The following OR2C1 variants were observed in gnomAD, a reference collection of about 807,000 sequenced individuals.
OR2C1 encodes the protein olfactory receptor family 2 subfamily C member 1, also known as olfactory receptor 2C1.
For synonymous variants in OR2C1, 209 were observed against 167.3 expected (o/e 1.25, Z -1.92); for missense variants, 468 against 388.3 (o/e 1.21, Z -1.73).
upstream of OR2C1, among the ~76,000 whole-genome samples, chr16:3,354,311 G>T (rs1285378789): frequency 1.3e-5 from 2 of 152,144 alleles, no homozygotes; most frequent in African/African-American, 2.4e-5. Context: ...ATTATTTGAT[G>T]ATTTAGACGT....
In OR2C1 at chr16:3,356,903, T is replaced by C. The variant is rs1158182283; in HGVS notation, c.*24T>C. On this transcript the variant is annotated 3_prime_UTR_variant, in exon 1 of 1. Transcript: ENST00000304936. Reference sequence around the variant, plus strand: ...GAGAGAACACTCCTTCGTTATTTATTGCGTCTTCATCTCTACATGCGTTTC... The same window carrying C: ...GAGAGAACACTCCTTCGTTATTTATCGCGTCTTCATCTCTACATGCGTTTC... 1.3e-6 allele frequency: 2 copies of C among 1,504,772 alleles called. No individual in the cohort carries two copies. Among genetic ancestry groups the C allele is most frequent in the African/African-American group, 1.4e-5 (1 of 72,310 alleles). 93.2% of individuals were successfully genotyped at this position (1,504,772 alleles called of 1,614,324 possible). A position where few individuals can be genotyped will look rare whatever the true frequency, so the allele number is the denominator to read the frequency against.
chr16:3,348,025 G>A, the OR2C1 span, among the ~76,000 whole-genome samples: 7 of 152,152 alleles, frequency 4.6e-5, no homozygotes, highest in South Asian at 1.0e-3. Context: ...CCCTAACAAC[G>A]TAGATGTCTA....
At chr16:3,341,027 T>C in the OR2C1 span, among the ~76,000 whole-genome samples, 2 of 152,040 alleles carry the variant, frequency 1.3e-5, no homozygotes, top group Non-Finnish European at 2.9e-5. Context: ...TGCATTGAAC[T>C]TGTAGATCAC....
In OR2C1 at chr16:3,356,730, A is replaced by G. The variant is rs1211366115; in HGVS notation, c.790A>G (p.Lys264Glu). 5 of 1,614,008 alleles carry G rather than the reference A, an allele frequency of 3.1e-6. No individual in the cohort carries two copies. In the South Asian group the frequency reaches 4.4e-5, roughly 14 times the overall value. ...SASYGYLLPA[K>E]NSKQDQGKFI... ...CAGCTATGGGTATCTGCTTCCGGCC[A>G]AGAACAGCAAACAGGACCAGGGCAA... Residue 264 changes from lysine to glutamate, a missense_variant, in exon 1 of 1, where the codon AAG becomes GAG. Coordinates refer to ENST00000304936, the MANE Select transcript of OR2C1 (RefSeq NM_012368.3).
chr16:3,346,818 G>C, the OR2C1 span, among the ~76,000 whole-genome samples: 2 of 151,226 alleles, frequency 1.3e-5, no homozygotes. Context: ...TTTAAGTAGA[G>C]ACAAGGTTTC....
chr16:3,330,073 A>G, the OR2C1 span, among the ~76,000 whole-genome samples: 2 of 150,976 alleles, frequency 1.3e-5, no homozygotes, highest in Admixed American at 6.6e-5. Context: ...ACAACATCAA[A>G]GAAAAAGTGT....
upstream of OR2C1, among the ~76,000 whole-genome samples, chr16:3,354,010 G>A (rs139505532): frequency 1.9e-4 from 27 of 144,912 alleles, no homozygotes; most frequent in East Asian, 1.6e-3. Flanking sequence ...TTGAGACAGA[G>A]TCTAGCTCTG....
the OR2C1 span, among the ~76,000 whole-genome samples, chr16:3,327,229 C>T: frequency 6.8e-4 from 103 of 152,164 alleles, no homozygotes; most frequent in East Asian, 5.8e-4. Context: ...TTTCATTTAT[C>T]CCCTCCAGTT....
At chr16:3,335,353 G>T in the OR2C1 span, among the ~76,000 whole-genome samples, 3 of 151,962 alleles carry the variant, frequency 2.0e-5, no homozygotes, top group Admixed American at 1.3e-4. Flanking sequence ...GCTCTTCAGT[G>T]TCTTTCACCA....
chr16:3,335,626 A>G, the OR2C1 span, among the ~76,000 whole-genome samples: 1 of 147,924 alleles, frequency 6.8e-6, no homozygotes, highest in Non-Finnish European at 1.5e-5. Context: ...TCCTGGGTTC[A>G]AGTGAGTCTT....
the OR2C1 span, among the ~76,000 whole-genome samples, chr16:3,337,992 T>TA: frequency 1.3e-5 from 2 of 152,210 alleles, no homozygotes; most frequent in Non-Finnish European, 2.9e-5. Context: ...TGCGTCCTTT[T>TA]TGGCAGTAGA....
chr16:3,331,262 G>A, the OR2C1 span, among the ~76,000 whole-genome samples: 7 of 151,974 alleles, frequency 4.6e-5, no homozygotes, highest in Non-Finnish European at 8.8e-5. Flanking sequence ...AATTTGTTTG[G>A]GTTCATTGTA....
chr16:3,335,863 C>G, the OR2C1 span, among the ~76,000 whole-genome samples: 2 of 152,142 alleles, frequency 1.3e-5, no homozygotes, highest in Admixed American at 6.6e-5. Flanking sequence ...CATGTGCAAA[C>G]AAGACTAACT....
At chr16:3,328,614 G>C in the OR2C1 span, among the ~76,000 whole-genome samples, 1 of 152,208 alleles carries the variant, frequency 6.6e-6, no homozygotes, top group African/African-American at 2.4e-5. Context: ...AGGATGGAGA[G>C]CAGAAAATAA....
the OR2C1 span, among the ~76,000 whole-genome samples, chr16:3,337,884 T>C: frequency 1.3e-5 from 2 of 152,230 alleles, no homozygotes; most frequent in African/African-American, 2.4e-5. Flanking sequence ...TTGATTTTCA[T>C]TGAATGTGTT....
At chr16:3,345,736 CCTCT>C in the OR2C1 span, among the ~76,000 whole-genome samples, 1 of 150,856 alleles carries the variant, frequency 6.6e-6, no homozygotes, top group African/African-American at 2.4e-5. Context: ...TTCTTCCCTT[CCTCT>C]CTTTCTTCCT....
chr16:3,346,449 C>G, the OR2C1 span, among the ~76,000 whole-genome samples: 1 of 152,122 alleles, frequency 6.6e-6, no homozygotes, highest in Non-Finnish European at 1.5e-5. Context: ...CTGCCATTAA[C>G]CAGACCTATG....
downstream of OR2C1, among the ~76,000 whole-genome samples, chr16:3,357,711 G>A (rs957185227): frequency 1.3e-5 from 2 of 152,146 alleles, no homozygotes; most frequent in Non-Finnish European, 2.9e-5. Flanking sequence ...ACTGGGTGCA[G>A]TGGCTCACAC....
chr16:3,354,700 G>T (rs146635002), upstream of OR2C1, among the ~76,000 whole-genome samples: 244 of 152,304 alleles, frequency 1.6e-3, no homozygotes, highest in African/African-American at 4.8e-3. Context: ...AAATTCTGGG[G>T]AGCTTTTCCA....
Sources: gnomAD v4.1 joint callset for allele counts (sites outside exome capture counted in the v4.1 genomes callset) on GRCh38, gnomAD v4.1.1 for gene constraint, MANE v1.5 for transcripts, NCBI Gene and HGNC (gene_info 2026-07-23, HGNC 2026-07-21) for gene names.